UNC5D: variants seen among roughly 807,000 people sequenced by gnomAD.
UNC5D encodes unc-5 netrin receptor D, also known as netrin receptor UNC5D.
Under a neutral mutation model 105.4 loss-of-function variants are expected in UNC5D, and 39 were observed. That is an observed-to-expected ratio of 0.37 (90% CI 0.29 to 0.48). The LOEUF (loss-of-function observed/expected upper bound fraction) is 0.48, where lower values mean the gene tolerates loss of function less well. Among genes scored for constraint, UNC5D ranks in the 20% least tolerant of loss-of-function variants. UNC5D has a pLI of 0.98. For missense variants in UNC5D, 991 were observed against 1,202.4 expected (o/e 0.82, Z 2.60); for synonymous variants, 452 against 450.4 (o/e 1.00, Z -0.04).
chr8:35,325,882 A>T (rs775399273), intron 1 of UNC5D, among the ~76,000 whole-genome samples: 1 of 152,160 alleles, frequency 6.6e-6, no homozygotes, highest in Non-Finnish European at 1.5e-5. Flanking sequence ...TCCTCAGTAT[A>T]AAGTTGGGAA....
chr8:35,247,449 A>T (rs553673528), intron 1 of UNC5D, among the ~76,000 whole-genome samples: 100 of 141,466 alleles, frequency 7.1e-4, no homozygotes, highest in African/African-American at 2.6e-3. Flanking sequence ...CAGTTACTTA[A>T]CATCTGGATC....
At chr8:35,650,314 A>T (rs1823327570) in intron 4 of UNC5D, among the ~76,000 whole-genome samples, 1 of 151,954 alleles carries the variant, frequency 6.6e-6, no homozygotes. Flanking sequence ...TTCCTCTCTG[A>T]GGTCATATAC....
intron 1 of UNC5D, among the ~76,000 whole-genome samples, chr8:35,463,801 A>T (rs1809085836): frequency 6.6e-6 from 1 of 151,800 alleles, no homozygotes; most frequent in Admixed American, 6.6e-5. Context: ...AGAAAAAAAA[A>T]AAAAAATGAC....
At position 35,710,934 on chromosome 8, in the gene UNC5D, C is replaced by CTTTTTTTTTTTT. The variant is rs775014566; in HGVS notation, c.1117+4984_1117+4995dup. Among the ~76,000 whole-genome samples the CTTTTTTTTTTTT allele has an allele frequency of 1.3e-4, 15 of 114,374 alleles. 2 individuals carry two copies. The highest frequency in any genetic ancestry group is 5.6e-4 in the African/African-American group (14 of 25,038). The allele number at this position is 114,374 out of a possible 152,430, so 75.0% of individuals were successfully genotyped here. On this transcript the variant is annotated intron_variant, in intron 8 of 16. Coordinates refer to ENST00000404895, the MANE Select transcript of UNC5D (RefSeq NM_080872.4). ...GCCTCTTCAGTAGCTCAGCATTATT[C>CTTTTTTTTTTTT]TTTTTTTTTTTTTTTTTTTTTTGAG...
chr8:35,521,991 A>T (rs1813515657), intron 1 of UNC5D, among the ~76,000 whole-genome samples: 1 of 152,136 alleles, frequency 6.6e-6, no homozygotes, highest in African/African-American at 2.4e-5. Flanking sequence ...CCTCCCTCAG[A>T]TACTGAACTT....
intron 1 of UNC5D, among the ~76,000 whole-genome samples, chr8:35,314,947 T>C (rs1432910042): frequency 6.6e-6 from 1 of 152,062 alleles, no homozygotes; most frequent in Non-Finnish European, 1.5e-5. Context: ...AAAGAAGGTA[T>C]AGTTAAGCTA....
intron 16 of UNC5D, among the ~76,000 whole-genome samples, chr8:35,788,550 G>A (rs1462998160): frequency 6.6e-6 from 1 of 152,062 alleles, no homozygotes; most frequent in Non-Finnish European, 1.5e-5. Flanking sequence ...AAAAAGCACT[G>A]TAGGAATCAA....
chr8:35,693,736 T>C (rs985243060), intron 7 of UNC5D, among the ~76,000 whole-genome samples: 3 of 152,030 alleles, frequency 2.0e-5, no homozygotes, highest in African/African-American at 7.2e-5. Context: ...ACCCACTTTT[T>C]CCCCCCAAGA....
chr8:35,395,595 G>C (rs1207071429), intron 1 of UNC5D, among the ~76,000 whole-genome samples: 1 of 152,086 alleles, frequency 6.6e-6, no homozygotes, highest in Admixed American at 6.5e-5. Flanking sequence ...TTGAAAGCTG[G>C]AGGGGTCATG....
intron 1 of UNC5D, among the ~76,000 whole-genome samples, chr8:35,482,221 G>A (rs893494332): frequency 1.3e-5 from 2 of 151,962 alleles, no homozygotes; most frequent in Non-Finnish European, 2.9e-5. Context: ...TTTCTAAATC[G>A]TTCCCTTATG....
chr8:35,305,513 C>A (rs1419795304), intron 1 of UNC5D, among the ~76,000 whole-genome samples: 1 of 151,920 alleles, frequency 6.6e-6, no homozygotes, highest in Non-Finnish European at 1.5e-5. Flanking sequence ...ACTTTGATAC[C>A]AAGACTTTTG....
At chr8:35,698,705 A>T (rs1020395055) in intron 7 of UNC5D, among the ~76,000 whole-genome samples, 1 of 152,144 alleles carries the variant, frequency 6.6e-6, no homozygotes, top group East Asian at 1.9e-4. Context: ...ATTGTAAATC[A>T]CGTGGCAATA....
intron 1 of UNC5D, among the ~76,000 whole-genome samples, chr8:35,426,138 G>C (rs1309770850): frequency 6.6e-6 from 1 of 151,994 alleles, no homozygotes; most frequent in Non-Finnish European, 1.5e-5. Flanking sequence ...CGAGACATAA[G>C]AACTCTTCAA....
intron 4 of UNC5D, among the ~76,000 whole-genome samples, chr8:35,668,885 G>T (rs576206444): frequency 3.2e-4 from 49 of 151,836 alleles, no homozygotes; most frequent in Admixed American, 1.2e-3. Context: ...ACTTAAAATG[G>T]TTTTTTTTCT....
intron 2 of UNC5D, among the ~76,000 whole-genome samples, chr8:35,555,879 A>AG (rs1563531292): frequency 1.5e-4 from 2 of 13,238 alleles, no homozygotes; most frequent in Admixed American, 2.4e-3. Flanking sequence ...AAAACAGCAC[A>AG]CACACACACA....
At chr8:35,661,718 A>C (rs1824116362) in intron 4 of UNC5D, among the ~76,000 whole-genome samples, 1 of 152,178 alleles carries the variant, frequency 6.6e-6, no homozygotes, top group Admixed American at 6.5e-5. Flanking sequence ...GCTTCTATCT[A>C]GTTATCTTTC....
intron 15 of UNC5D, among the ~76,000 whole-genome samples, chr8:35,770,998 T>C (rs1318858468): frequency 1.3e-5 from 2 of 152,208 alleles, no homozygotes; most frequent in Non-Finnish European, 2.9e-5. Context: ...ACAGGATTCT[T>C]ATTACTTGGC....
intron 1 of UNC5D, among the ~76,000 whole-genome samples, chr8:35,268,294 A>AC (rs397730794): frequency 1.1e-4 from 17 of 151,708 alleles, no homozygotes; most frequent in East Asian, 9.7e-4. Flanking sequence ...TAACAAAAAA[A>AC]CCTGAAAAAC....
At chr8:35,656,318 GTATT>G (rs1823732114) in intron 4 of UNC5D, among the ~76,000 whole-genome samples, 1 of 152,206 alleles carries the variant, frequency 6.6e-6, no homozygotes, top group Non-Finnish European at 1.5e-5. Context: ...AGGACACACT[GTATT>G]TATTGCCTCC....
Sources: allele counts gnomAD v4.1 joint callset (sites outside exome capture counted in the v4.1 genomes callset), GRCh38; gene constraint gnomAD v4.1.1; transcripts MANE v1.5; gene names NCBI Gene and HGNC (gene_info 2026-07-23, HGNC 2026-07-21).